The following LRMDA variants were observed in gnomAD, a reference collection of about 807,000 sequenced individuals.
LRMDA encodes leucine rich melanocyte differentiation associated, also known as leucine-rich melanocyte differentiation-associated protein.
Under a neutral mutation model 29.8 loss-of-function variants are expected in LRMDA, and 18 were observed. The ratio of observed to expected loss-of-function variants is 0.60; its 90% confidence interval spans 0.42 to 0.90. The LOEUF (loss-of-function observed/expected upper bound fraction) is 0.90. Among genes scored for constraint, LRMDA ranks in the 40% least tolerant of loss-of-function variants. The pLI is 0.00. For missense variants in LRMDA, 273 were observed against 273.9 expected, an observed-to-expected ratio of 1.00 and a Z score of 0.02; for synonymous variants, 125 against 109.4, an observed-to-expected ratio of 1.14 and a Z score of -0.89.
At chr10:76,053,633 T>C (rs1193051188) in intron 4 of LRMDA, among the ~76,000 whole-genome samples, 1 of 152,182 alleles carries the variant, frequency 6.6e-6, no homozygotes, top group Non-Finnish European at 1.5e-5. Context: ...GGAAGCCCAC[T>C]GACTTATCAC....
intron 2 of LRMDA, among the ~76,000 whole-genome samples, chr10:75,780,823 A>G (rs1369262241): frequency 2.0e-5 from 3 of 152,138 alleles, no homozygotes; most frequent in Non-Finnish European, 4.4e-5. Flanking sequence ...TCCAGTTGCT[A>G]GCACTGTGTG....
intron 5 of LRMDA, among the ~76,000 whole-genome samples, chr10:76,168,521 G>A (rs1171284531): frequency 6.6e-6 from 1 of 152,152 alleles, no homozygotes; most frequent in Non-Finnish European, 1.5e-5. Flanking sequence ...TCTGGAACTT[G>A]GCGAACTTGG....
intron 5 of LRMDA, among the ~76,000 whole-genome samples, chr10:76,285,016 AAT>A (rs1275062538): frequency 1.3e-5 from 2 of 152,154 alleles, no homozygotes; most frequent in Non-Finnish European, 2.9e-5. Flanking sequence ...GAGAATAGAT[AAT>A]ACAGGGATGC....
chr10:75,663,997 C>G (rs1029769871), intron 2 of LRMDA, among the ~76,000 whole-genome samples: 1 of 152,156 alleles, frequency 6.6e-6, no homozygotes, highest in African/African-American at 2.4e-5. Context: ...TCCTATCTGT[C>G]TCTTCTCAGG....
At chr10:75,592,958 G>A (rs1163659572) in intron 2 of LRMDA, among the ~76,000 whole-genome samples, 2 of 152,090 alleles carry the variant, frequency 1.3e-5, no homozygotes, top group African/African-American at 4.8e-5. Context: ...CTAGCAGGCT[G>A]CATTTCATTT....
intron 2 of LRMDA, among the ~76,000 whole-genome samples, chr10:75,779,179 C>A (rs375357124): frequency 1.3e-5 from 2 of 152,178 alleles, no homozygotes; most frequent in Non-Finnish European, 1.5e-5. Context: ...GCTCTTTTCA[C>A]TTCTGTAAGA....
rs528629714 is a variant in LRMDA at position 75,462,197 on chromosome 10, A to G, written c.131+23703A>G. Among the ~76,000 whole-genome samples, 29 of 152,370 alleles carry G rather than the reference A, an allele frequency of 1.9e-4. 1 individual carries two copies. In the South Asian group the frequency reaches 4.8e-3, roughly 25 times the overall value. ...GGGGTGTCAGTTGATATTCATATCT[A>G]AAGCACATTATAGCATTACTTTGCA... On this transcript the variant is annotated intron_variant, in intron 2 of 6. Transcript: ENST00000611255.
intron 2 of LRMDA, among the ~76,000 whole-genome samples, chr10:75,620,510 T>C (rs1288641476): frequency 1.3e-5 from 2 of 152,170 alleles, no homozygotes; most frequent in Non-Finnish European, 2.9e-5. Context: ...TAATGCATGA[T>C]CCTGGTTGTG....
In LRMDA at chr10:76,201,915, G is replaced by A. The variant is rs181707179; in HGVS notation, c.517-122486G>A. 1.2e-4 allele frequency among the ~76,000 whole-genome samples: 19 copies of A among 152,214 alleles called. 1 individual carries two copies. In the East Asian group the frequency reaches 3.1e-3, roughly 25 times the overall value. ...TTGGATGGTTCTTTGCAATCAGAGC[G>A]GTCCTGGCTCTTCTTGGCTGGTCTT... On this transcript the variant is annotated intron_variant, in intron 5 of 6. Transcript: ENST00000611255.
chr10:75,534,050 A>G (rs1298820142), intron 2 of LRMDA, among the ~76,000 whole-genome samples: 1 of 152,124 alleles, frequency 6.6e-6, no homozygotes, highest in African/African-American at 2.4e-5. Context: ...CCCAGTTTCA[A>G]TCTTCCTTCT....
chr10:75,488,652 G>A (rs542112886), intron 2 of LRMDA, among the ~76,000 whole-genome samples: 53 of 152,298 alleles, frequency 3.5e-4, no homozygotes, highest in Middle Eastern at 3.4e-3. Context: ...GTAAGCAAGA[G>A]GCAGAGGTGA....
At chr10:76,099,575 C>T (rs1182419657) in intron 5 of LRMDA, among the ~76,000 whole-genome samples, 2 of 149,262 alleles carry the variant, frequency 1.3e-5, no homozygotes, top group East Asian at 2.0e-4. Flanking sequence ...GCTTTAGCTG[C>T]ATCCCATGTA....
At chr10:75,472,055 G>A (rs931433909) in intron 2 of LRMDA, among the ~76,000 whole-genome samples, 13 of 152,040 alleles carry the variant, frequency 8.6e-5, no homozygotes, top group African/African-American at 2.2e-4. Context: ...CAGTTTGATC[G>A]TCTTACTCCC....
At chr10:75,995,678 C>T (rs1847449860) in intron 2 of LRMDA, among the ~76,000 whole-genome samples, 1 of 152,184 alleles carries the variant, frequency 6.6e-6, no homozygotes, top group Non-Finnish European at 1.5e-5. Context: ...TATTGAGAGC[C>T]ATGCTATCTC....
At chr10:76,547,226 C>A (rs1843432243) in intron 6 of LRMDA, among the ~76,000 whole-genome samples, 1 of 152,074 alleles carries the variant, frequency 6.6e-6, no homozygotes, top group Non-Finnish European at 1.5e-5. Context: ...ATTTTGAATG[C>A]TTCTTTACAT....
chr10:76,359,637 G>A (rs537153396), intron 6 of LRMDA, among the ~76,000 whole-genome samples: 2 of 152,320 alleles, frequency 1.3e-5, no homozygotes, highest in African/African-American at 4.8e-5. Flanking sequence ...GAATTGAAGA[G>A]ATCCCCATAT....
At chr10:75,691,092 GTACA>G (rs1564541038) in intron 2 of LRMDA, among the ~76,000 whole-genome samples, 1 of 77,588 alleles carries the variant, frequency 1.3e-5, no homozygotes, top group African/African-American at 7.0e-5. Flanking sequence ...ATATATCTAT[GTACA>G]TAGATATATA....
chr10:75,602,933 T>C (rs1840906182), intron 2 of LRMDA, among the ~76,000 whole-genome samples: 1 of 152,202 alleles, frequency 6.6e-6, no homozygotes, highest in Admixed American at 6.5e-5. Context: ...TAAAGCCCTG[T>C]CCCTCCTCAT....
chr10:75,698,786 A>G (rs551505902), intron 2 of LRMDA, among the ~76,000 whole-genome samples: 8 of 152,242 alleles, frequency 5.3e-5, no homozygotes, highest in African/African-American at 1.9e-4. Flanking sequence ...TATAATGGTT[A>G]TGAGTTGGGG....
Sources: allele counts gnomAD v4.1 joint callset (sites outside exome capture counted in the v4.1 genomes callset), GRCh38; gene constraint gnomAD v4.1.1; transcripts MANE v1.5; gene names NCBI Gene and HGNC (gene_info 2026-07-23, HGNC 2026-07-21).